The following CCAR2 variants were observed in gnomAD, a reference collection of about 807,000 sequenced individuals.
CCAR2 encodes cell cycle and apoptosis regulator 2, also known as cell cycle and apoptosis regulator protein 2.
A neutral mutation model predicts 108.1 loss-of-function variants in CCAR2; 21 were observed. The observed-to-expected ratio is 0.19, with a 90% CI of 0.14 to 0.28. CCAR2 has a LOEUF of 0.28. CCAR2 is among the 10% of genes least tolerant of loss of function. The pLI, the probability that CCAR2 is intolerant of heterozygous loss-of-function variation, is 1.00. For missense variants in CCAR2, 1,126 were observed against 1,177.0 expected, an observed-to-expected ratio of 0.96 and a Z score of 0.63; for synonymous variants, 577 against 472.8, an observed-to-expected ratio of 1.22 and a Z score of -2.86.
Position 22,620,417 on chromosome 8 carries a change from GTTTTTTTTTT to G in CCAR2, c.*744_*753del, listed in dbSNP as rs60062081. 4.8e-5 allele frequency: 6 copies of G among 124,102 alleles called. No individual in the cohort carries two copies. Among genetic ancestry groups the G allele is most frequent in the African/African-American group, 1.8e-4 (6 of 33,938 alleles). The allele number at this position is 124,102 out of a possible 1,614,324, so 7.7% of individuals were successfully genotyped here. On this transcript the variant is annotated 3_prime_UTR_variant, in exon 21 of 21. Coordinates refer to ENST00000308511, the MANE Select transcript of CCAR2 (RefSeq NM_001393997.1). ...GTTTGACTTTGTATATAAAGTTGGG[GTTTTTTTTTT>G]TTTTTTTTGGCTTGTTTTTTAAATA...
chr8:22,621,177 CT>C, downstream of CCAR2: 1 of 527,202 alleles, frequency 1.9e-6, no homozygotes, highest in Non-Finnish European at 3.4e-6. Flanking sequence ...CTGGACGGTT[CT>C]CCAAATAAAA....
chr8:22,608,382 T>C (rs770984257), intron 7 of CCAR2, among the ~76,000 whole-genome samples: 3 of 152,252 alleles, frequency 2.0e-5, no homozygotes, highest in Non-Finnish European at 4.4e-5. Flanking sequence ...AGTCCCTAAG[T>C]TGAGATGATA....
Position 22,616,243 on chromosome 8 carries a change from C to T in CCAR2, c.1840C>T (p.Pro614Ser), listed in dbSNP as rs765003121. ...NEGPATESEAPLKEDGLLPKP... is the reference protein window; with the variant it reads ...NEGPATESEASLKEDGLLPKP... ...GGGCCCGGCTACAGAGTCAGAGGCC[C>T]CGCTGGTGAGTACCCTGCCACCTCG... is the stretch of plus-strand genomic sequence containing the variant. The change falls in exon 14 of 21, where the codon CCG (proline) becomes TCG (serine). Residue 614 changes from proline to serine, a missense_variant. Physicochemically the swap from Pro to Ser is moderately conservative, Grantham distance 74. Coordinates refer to ENST00000308511, the MANE Select transcript of CCAR2 (RefSeq NM_001393997.1). The T allele has an allele frequency of 1.9e-6, 3 of 1,612,262 alleles. No homozygotes were observed. The highest frequency in any genetic ancestry group is 1.1e-5 in the South Asian group (1 of 91,022).
At chr8:22,607,937 T>G (rs1218924383) in intron 6 of CCAR2, 32 bp from the exon 7 acceptor site, 1 of 1,599,374 alleles carries the variant, frequency 6.3e-7, no homozygotes, top group Non-Finnish European at 8.6e-7. Flanking sequence ...GTTTTTAGGG[T>G]TTTTGAGTCA....
rs200429085 is a variant in CCAR2, at chr8:22,613,106, G to A, written c.674G>A (p.Arg225Gln). 4 of 1,612,266 alleles carry A rather than the reference G, an allele frequency of 2.5e-6. No individual in the cohort carries two copies. The highest frequency in any genetic ancestry group is 1.1e-5 in the South Asian group (1 of 90,848). ...CCAAGGCATGACCTGCCTCCTTACC[G>A]GGTCCACCTCACTCCTTACACTGTG... ...KKPRHDLPPY[R>Q]VHLTPYTVDS... Residue 225 changes from arginine to glutamine, a missense_variant, in exon 8 of 21, where the codon CGG becomes CAG. By Grantham distance (43) the Arg-to-Gln change is conservative (BLOSUM62 1). This residue lies in a region of CCAR2 where 1,013 missense variants were observed against 993.9 expected (regional missense o/e 1.02). Coordinates refer to ENST00000308511, the MANE Select transcript of CCAR2 (RefSeq NM_001393997.1).
At position 22,618,556 on chromosome 8, in the gene CCAR2, T is replaced by G. The variant is rs1029213194; in HGVS notation, c.2220+61T>G. On this transcript the variant is annotated intron_variant, in intron 17 of 20. Coordinates refer to ENST00000308511, the MANE Select transcript of CCAR2 (RefSeq NM_001393997.1). ...GGCCTGCACTTACTCCTGCTCTAGGTTCCCGCCCATGGCCAGGGTCGGGGA... is the reference window on the plus strand; with the variant it reads ...GGCCTGCACTTACTCCTGCTCTAGGGTCCCGCCCATGGCCAGGGTCGGGGA... The G allele has an allele frequency of 1.2e-5, 19 of 1,613,888 alleles. No homozygotes were observed. The African/African-American group carries it at 2.4e-4, about 20-fold the overall frequency.
rs201000545 is a variant in CCAR2 at position 22,613,050 on chromosome 8, G to A, written c.618G>A (p.Arg206=). Residue 206 remains arginine (R), a synonymous_variant, in exon 8 of 21, where the codon CGG becomes CGA. Transcript: ENST00000308511. The stretch of plus-strand genomic sequence containing the variant: ...ATGACTCCAAGAAACGCAAACAGCG[G>A]GCTGGTGGAGAGCCCTGGGGTGCTA... ...DDYDSKKRKQ[R]AGGEPWGAKK... The A allele has an allele frequency of 7.6e-5, 123 of 1,613,018 alleles. No individual in the cohort carries two copies. The highest frequency in any genetic ancestry group is 1.0e-4 in the Non-Finnish European group (118 of 1,179,756).
intron 20 of CCAR2, 125 bp from the exon 21 acceptor site, chr8:22,619,513 T>TTCTC: frequency 7.1e-7 from 1 of 1,410,736 alleles, no homozygotes; most frequent in Non-Finnish European, 9.8e-7. Flanking sequence ...TGGTTGCAGG[T>TTCTC]TCTCTGGGAA....
chr8:22,614,224 C>T lies in CCAR2; in HGVS notation c.837C>T (p.Ser279=), dbSNP rs757238705. Residue 279 remains serine, a synonymous_variant, in exon 9 of 21, where the codon AGC becomes AGT. Transcript: ENST00000308511. The part of the protein sequence containing the change: ...LSQPFSLHHP[S]RIQVSSEKEA... ...AGCCCTTTTCCCTCCATCATCCAAGCCGGATCCAGGTCTCTTCTGAAAAGG... is the reference window on the plus strand; with the variant it reads ...AGCCCTTTTCCCTCCATCATCCAAGTCGGATCCAGGTCTCTTCTGAAAAGG... The T allele has an allele frequency of 2.5e-6, 4 of 1,614,098 alleles. No homozygotes were observed. The highest frequency in any genetic ancestry group is 3.4e-6 in the Non-Finnish European group (4 of 1,180,046).
chr8:22,616,362 C>T (rs775064628), intron 14 of CCAR2, 114 bp downstream of exon 14: 28 of 972,070 alleles, frequency 2.9e-5, no homozygotes, highest in South Asian at 1.2e-4. Context: ...CACCCTTGCT[C>T]GGCATGGACT....
rs1327730002 is a variant in CCAR2, at chr8:22,616,238, A to G, written c.1835A>G (p.Glu612Gly). The G allele has an allele frequency of 6.2e-7, 1 of 1,612,488 alleles. No individual in the cohort carries two copies. Among genetic ancestry groups the G allele is most frequent in the East Asian group, 2.2e-5 (1 of 44,876 alleles). Reference protein sequence around the residue: ...AQNEGPATESEAPLKEDGLLP... With the variant: ...AQNEGPATESGAPLKEDGLLP... ...AATGAGGGCCCGGCTACAGAGTCAG[A>G]GGCCCCGCTGGTGAGTACCCTGCCA... Residue 612 changes from glutamate to glycine, a missense_variant, in exon 14 of 21, where the codon GAG becomes GGG. Glu to Gly is a moderately conservative substitution (Grantham distance 98). Coordinates refer to ENST00000308511, the MANE Select transcript of CCAR2 (RefSeq NM_001393997.1).
At position 22,604,965 on chromosome 8, in the gene CCAR2, T is replaced by TTGGACTGCAAGTCCCGTCTCCC. The variant is rs1158151345; in HGVS notation, c.-39+127_-39+148dup. 10 of 330,942 alleles carry TTGGACTGCAAGTCCCGTCTCCC rather than the reference T, an allele frequency of 3.0e-5. No individual in the cohort carries two copies. In the East Asian group the frequency reaches 6.2e-4, roughly 21 times the overall value. The allele number at this position is 330,942 out of a possible 1,614,324, so 20.5% of individuals were successfully genotyped here. ...GGCGCGGAAGGGGCCGAGCCCCTCT[T>TTGGACTGCAAGTCCCGTCTCCC]TGGACTGCAAGTCCCGTCTCCCTGG... On this transcript the variant is annotated intron_variant, in intron 1 of 20. Transcript: ENST00000308511.
In CCAR2 at chr8:22,615,633, G is replaced by A. The variant is rs1396653793; in HGVS notation, c.1377+37G>A. ...CCTTAGCCAGCAGCGGGGGATATAG[G>A]TGGCCTAATCCCGGGACCCAGAGGG... On this transcript the variant is annotated intron_variant, in intron 12 of 20. Coordinates refer to ENST00000308511, the MANE Select transcript of CCAR2 (RefSeq NM_001393997.1). The A allele has an allele frequency of 4.3e-6, 7 of 1,613,658 alleles. No individual in the cohort carries two copies. In the East Asian group the frequency reaches 1.6e-4, roughly 36 times the overall value.
At chr8:22,616,632 A>G (rs1233370138) in intron 14 of CCAR2, 8 of 210,264 alleles carry the variant, frequency 3.8e-5, no homozygotes, top group Non-Finnish European at 5.9e-5. Flanking sequence ...CCTGGCCAAT[A>G]TAGTGAAACG....
chr8:22,607,430 C>T (rs1418575951), intron 6 of CCAR2, 105 bp downstream of exon 6: 1 of 1,266,020 alleles, frequency 7.9e-7, no homozygotes, highest in Non-Finnish European at 1.1e-6. Context: ...CTTCTATGTA[C>T]TGGAAGAAAG....
At chr8:22,614,066 T>A in intron 8 of CCAR2, 26 bp from the exon 9 acceptor site, 2 of 1,597,416 alleles carry the variant, frequency 1.3e-6, no homozygotes, top group Non-Finnish European at 1.7e-6. Context: ...TTGCTCAGTC[T>A]GGATTCCCTT....
chr8:22,606,717 C>G lies in CCAR2; in HGVS notation c.242+19C>G, dbSNP rs369387002. 1.2e-6 allele frequency: 2 copies of G among 1,600,490 alleles called. No individual in the cohort carries two copies. The highest frequency in any genetic ancestry group is 8.6e-7 in the Non-Finnish European group (1 of 1,168,258). ...AGCTAAGGTAGGCTTGAGGTTGGTC[C>G]CCTAACGGAAATGCTTATTGGATTC... On this transcript the variant is annotated intron_variant, in intron 4 of 20. Transcript: ENST00000308511.
intron 7 of CCAR2, 42 bp downstream of exon 7, chr8:22,608,107 T>C (rs1453345599): frequency 7.2e-7 from 1 of 1,398,408 alleles, no homozygotes; most frequent in East Asian, 2.3e-5. Flanking sequence ...TTGTTGACAC[T>C]AACATTCTCT....
chr8:22,606,521 G>T, intron 3 of CCAR2, 86 bp from the exon 4 acceptor site: 3 of 1,041,744 alleles, frequency 2.9e-6, no homozygotes, highest in South Asian at 2.6e-5. Context: ...GAGCTGGGGC[G>T]TGGGTTGAGA....
Sources: allele counts gnomAD v4.1 joint callset (sites outside exome capture counted in the v4.1 genomes callset), GRCh38; gene constraint gnomAD v4.1.1; regional missense constraint gnomAD v4.1.1; transcripts MANE v1.5; gene names NCBI Gene and HGNC (gene_info 2026-07-23, HGNC 2026-07-21).